The following MTUS2 variants were observed in gnomAD, a reference collection of about 807,000 sequenced individuals.
MTUS2 encodes the protein microtubule associated scaffold protein 2, also known as microtubule-associated tumor suppressor candidate 2.
MTUS2 carries 40 observed loss-of-function variants against 114.1 expected under a neutral mutation model. The observed-to-expected ratio is 0.35, with a 90% CI of 0.27 to 0.46. MTUS2 has a LOEUF of 0.46. Among genes scored for constraint, MTUS2 ranks in the 20% least tolerant of loss-of-function variants. MTUS2 has a pLI of 1.00. For synonymous variants in MTUS2, 688 were observed against 672.0 expected (o/e 1.02, Z -0.37); for missense variants, 1,679 against 1,705.4 (o/e 0.98, Z 0.27).
At chr13:28,834,445 C>A (rs1178947835) in intron 1 of MTUS2, among the ~76,000 whole-genome samples, 1 of 152,038 alleles carries the variant, frequency 6.6e-6, no homozygotes, top group Non-Finnish European at 1.5e-5. Flanking sequence ...AATGAATGAT[C>A]TTTTTAATAA....
intron 9 of MTUS2, among the ~76,000 whole-genome samples, chr13:29,477,226 A>G (rs1280781407): frequency 6.6e-6 from 1 of 152,200 alleles, no homozygotes; most frequent in Admixed American, 6.5e-5. Flanking sequence ...CTTTGTGTCA[A>G]TCTGTCAATC....
At chr13:29,145,402 C>T (rs756682327) in intron 5 of MTUS2, among the ~76,000 whole-genome samples, 1 of 152,032 alleles carries the variant, frequency 6.6e-6, no homozygotes, top group Non-Finnish European at 1.5e-5. Flanking sequence ...CACCTGTAAT[C>T]TCAGCTACCG....
At chr13:29,209,990 G>T (rs1173343852) in intron 5 of MTUS2, among the ~76,000 whole-genome samples, 1 of 152,096 alleles carries the variant, frequency 6.6e-6, no homozygotes. Flanking sequence ...GCAAGGCCAG[G>T]GAAGTTTTCC....
intron 4 of MTUS2, among the ~76,000 whole-genome samples, chr13:29,099,442 C>G (rs548268486): frequency 1.3e-5 from 2 of 152,158 alleles, no homozygotes; most frequent in Non-Finnish European, 2.9e-5. Context: ...TTCGGGGGAG[C>G]TGCTGGCAGA....
rs1329463819 is a variant in MTUS2 at position 29,487,974 on chromosome 13, C to G, written c.3474C>G (p.Ile1158Met). Residue 1158 changes from isoleucine (I) to methionine (M), a missense_variant, in exon 11 of 16, where the codon ATC becomes ATG. Transcript: ENST00000612955. ...ATAACCACACAGTTGCCATCACAATCCTGCAGGATGACCACGACCACAAAG... is the reference window on the plus strand; with the variant it reads ...ATAACCACACAGTTGCCATCACAATGCTGCAGGATGACCACGACCACAAAG... ...MENNHTVAIT[I>M]LQDDHDHKVQ... 30 of 1,614,008 alleles carry G rather than the reference C, an allele frequency of 1.9e-5. No individual in the cohort carries two copies. The highest frequency in any genetic ancestry group is 2.5e-5 in the Non-Finnish European group (30 of 1,180,042).
At position 29,375,587 on chromosome 13, in the gene MTUS2, ACG is replaced by A. The variant is rs1234691349; in HGVS notation, c.3117+16115_3117+16116del. Among the ~76,000 whole-genome samples the A allele has an allele frequency of 8.8e-4, 29 of 32,822 alleles. 3 individuals carry two copies. The highest frequency in any genetic ancestry group is 7.9e-3 in the African/African-American group (23 of 2,910). The allele number at this position is 32,822 out of a possible 152,430, so 21.5% of individuals were successfully genotyped here. On this transcript the variant is annotated intron_variant, in intron 8 of 15. Transcript: ENST00000612955. ...TATATATATATACATATATATATAT[ACG>A]TATATATATATATATATACGTATAT...
At chr13:29,029,073 C>G (rs1041366039) in intron 3 of MTUS2, among the ~76,000 whole-genome samples, 1 of 152,174 alleles carries the variant, frequency 6.6e-6, no homozygotes, top group East Asian at 1.9e-4. Context: ...ACGAGGTGCC[C>G]CAACAAGCCG....
chr13:29,395,451 T>C (rs1187207351), intron 8 of MTUS2, among the ~76,000 whole-genome samples: 8 of 152,170 alleles, frequency 5.3e-5, no homozygotes, highest in Non-Finnish European at 1.2e-4. Context: ...CAGAGACGTC[T>C]CCTTGATTGT....
chr13:28,917,356 T>G (rs949492904), intron 2 of MTUS2, among the ~76,000 whole-genome samples: 1 of 151,940 alleles, frequency 6.6e-6, no homozygotes, highest in African/African-American at 2.4e-5. Flanking sequence ...CTTCTTTAAA[T>G]GTTTGATAGA....
intron 9 of MTUS2, among the ~76,000 whole-genome samples, chr13:29,469,603 G>A (rs896973717): frequency 6.6e-5 from 10 of 150,618 alleles, no homozygotes; most frequent in South Asian, 6.3e-4. Context: ...CTCCAGCCTG[G>A]GCAACAGAGC....
intron 2 of MTUS2, among the ~76,000 whole-genome samples, chr13:29,015,697 A>G (rs556767725): frequency 2.0e-5 from 3 of 152,220 alleles, no homozygotes; most frequent in Non-Finnish European, 2.9e-5. Context: ...AACTCTAACA[A>G]TAAGGGGAAC....
chr13:29,440,847 C>G (rs117567980), intron 9 of MTUS2, among the ~76,000 whole-genome samples: 1 of 152,100 alleles, frequency 6.6e-6, no homozygotes, highest in African/African-American at 2.4e-5. Flanking sequence ...TCCCAGGTGT[C>G]CTTGGCAAGT....
intron 2 of MTUS2, among the ~76,000 whole-genome samples, chr13:28,864,228 A>G (rs1054367085): frequency 9.2e-5 from 14 of 152,312 alleles, no homozygotes; most frequent in African/African-American, 3.4e-4. Flanking sequence ...CCTTAGAAAC[A>G]TACCAATTGT....
intron 2 of MTUS2, among the ~76,000 whole-genome samples, chr13:28,949,075 A>T (rs545594613): frequency 2.0e-5 from 3 of 151,966 alleles, no homozygotes; most frequent in Admixed American, 6.6e-5. Context: ...AAATGTTTAA[A>T]TTTTTTTTTC....
chr13:29,241,057 T>C (rs547017139), intron 5 of MTUS2, among the ~76,000 whole-genome samples: 1 of 152,258 alleles, frequency 6.6e-6, no homozygotes, highest in South Asian at 2.1e-4. Context: ...GAGGAAAAAG[T>C]AAAAACATAT....
At chr13:29,112,785 A>T (rs1786684564) in intron 5 of MTUS2, among the ~76,000 whole-genome samples, 1 of 152,180 alleles carries the variant, frequency 6.6e-6, no homozygotes, top group Non-Finnish European at 1.5e-5. Context: ...GGCATAAGGG[A>T]TGAGTGCTGA....
At chr13:28,844,258 A>G (rs926157902) in intron 2 of MTUS2, among the ~76,000 whole-genome samples, 27 of 152,302 alleles carry the variant, frequency 1.8e-4, no homozygotes, top group South Asian at 6.2e-4. Context: ...GGTTTTGTCT[A>G]GGAGATAGGA....
chr13:29,492,801 C>G (rs1882285324), intron 12 of MTUS2, 82 bp downstream of exon 12: 5 of 1,081,430 alleles, frequency 4.6e-6, no homozygotes, highest in Middle Eastern at 2.0e-4. Flanking sequence ...TCATTCAGCA[C>G]CTACTGTGTA....
chr13:29,316,355 A>AT (rs1322986076), intron 6 of MTUS2, among the ~76,000 whole-genome samples: 1 of 152,198 alleles, frequency 6.6e-6, no homozygotes, highest in Non-Finnish European at 1.5e-5. Flanking sequence ...GGAGTTCCAC[A>AT]TAGTATGGAG....
Sources: allele counts gnomAD v4.1 joint callset (sites outside exome capture counted in the v4.1 genomes callset), GRCh38; gene constraint gnomAD v4.1.1; transcripts MANE v1.5; gene names NCBI Gene and HGNC (gene_info 2026-07-23, HGNC 2026-07-21).